The following ASXL3 variants were observed in gnomAD, a reference collection of about 807,000 sequenced individuals.
The protein encoded by ASXL3 is putative Polycomb group protein ASXL3.
ASXL3 carries 34 observed loss-of-function variants against 170.6 expected under a neutral mutation model. That is an observed-to-expected ratio of 0.20 (90% confidence interval 0.15 to 0.27). The LOEUF is 0.27. Ranked by LOEUF, ASXL3 falls within the 10% of genes least tolerant of loss-of-function variation. ASXL3 has a pLI of 1.00. For missense variants in ASXL3, 2,592 were observed against 2,695.3 expected (o/e 0.96, Z 0.85); for synonymous variants, 1,002 against 989.1 (o/e 1.01, Z -0.24).
intron 10 of ASXL3, among the ~76,000 whole-genome samples, chr18:33,736,600 T>C (rs2067552139): frequency 1.3e-5 from 2 of 152,166 alleles, no homozygotes; most frequent in Non-Finnish European, 2.9e-5. Flanking sequence ...TAGTGTGCAG[T>C]TAAGATCTGT....
chr18:33,703,490 C>T (rs1435927138), intron 8 of ASXL3, among the ~76,000 whole-genome samples: 1 of 152,112 alleles, frequency 6.6e-6, no homozygotes, highest in African/African-American at 2.4e-5. Flanking sequence ...TACAGTGGCC[C>T]ACTGCCCAAA....
chr18:33,744,124 T>A lies in ASXL3; in HGVS notation c.4276T>A (p.Tyr1426Asn). The A allele has an allele frequency of 2.5e-6, 4 of 1,614,006 alleles. No individual in the cohort carries two copies. Residue 1426 changes from tyrosine to asparagine, a missense_variant, in exon 12 of 12, where the codon TAT (tyrosine) becomes AAT (asparagine). Tyr to Asn is a moderately radical substitution (Grantham distance 143). This residue lies in a region of ASXL3 where 2,246 missense variants were observed against 2,219.6 expected (regional missense o/e 1.01). Coordinates refer to ENST00000269197, the MANE Select transcript of ASXL3 (RefSeq NM_030632.3). ...FTGNMLTINS[Y>N]DSPPKLSAES... is the part of the protein sequence containing the mutation. ...TGGAAACATGCTGACAATAAACTCT[T>A]ATGATAGTCCTCCCAAGTTAAGTGC...
At chr18:33,638,301 C>A (rs964270818) in intron 2 of ASXL3, among the ~76,000 whole-genome samples, 4 of 151,920 alleles carry the variant, frequency 2.6e-5, no homozygotes, top group African/African-American at 9.7e-5. Context: ...GATCTCAAGC[C>A]ATTCTTTCGC....
chr18:33,675,788 G>GA (rs1211304742), intron 7 of ASXL3, among the ~76,000 whole-genome samples: 1 of 152,076 alleles, frequency 6.6e-6, no homozygotes, highest in East Asian at 1.9e-4. Flanking sequence ...TTCAGTACAG[G>GA]AGGCACCATG....
Position 33,578,657 on chromosome 18 carries a change from A to G in ASXL3, c.26A>G (p.Asp9Gly). The G allele has an allele frequency of 2.9e-6, 4 of 1,362,344 alleles. No individual in the cohort carries two copies. The highest frequency in any genetic ancestry group is 3.9e-6 in the Non-Finnish European group (4 of 1,032,580). 84.4% of individuals were successfully genotyped at this position (1,362,344 alleles called of 1,614,324 possible). The stretch of plus-strand genomic sequence containing the variant: ...ATGAAAGACAAGAGGAAGAAGAAGG[A>G]CCGCACCTGGGCCGAGGCTGCCCGC... MKDKRKKKDRTWAEAARLA... is the reference protein window; with the variant it reads MKDKRKKKGRTWAEAARLA... The change falls in exon 1 of 12, where the codon GAC becomes GGC. Residue 9 changes from aspartate (D) to glycine (G), a missense_variant. Coordinates refer to ENST00000269197, the MANE Select transcript of ASXL3 (RefSeq NM_030632.3).
intron 6 of ASXL3, 40 bp from the exon 7 acceptor site, chr18:33,671,707 C>T (rs771353553): frequency 2.0e-6 from 3 of 1,534,042 alleles, no homozygotes; most frequent in South Asian, 1.2e-5. Flanking sequence ...TCAAGGACAG[C>T]TAGAGAAGAT....
chr18:33,661,575 G>T, intron 4 of ASXL3, 41 bp from the exon 5 acceptor site: 1 of 1,558,140 alleles, frequency 6.4e-7, no homozygotes, highest in Non-Finnish European at 8.7e-7. Context: ...TATAAAAAAG[G>T]AATTCAAATT....
chr18:33,732,389 C>G (rs1163677106), intron 9 of ASXL3, among the ~76,000 whole-genome samples: 2 of 152,178 alleles, frequency 1.3e-5, no homozygotes, highest in Non-Finnish European at 2.9e-5. Flanking sequence ...AAAGAAACTT[C>G]TTTTAACGCT....
intron 2 of ASXL3, among the ~76,000 whole-genome samples, chr18:33,612,026 A>ATG (rs1236461756): frequency 1.2e-4 from 19 of 152,090 alleles, no homozygotes; most frequent in Non-Finnish European, 7.4e-5. Context: ...AGTGAGAGCA[A>ATG]AACAACCATT....
chr18:33,637,899 A>G (rs2065792536), intron 2 of ASXL3, among the ~76,000 whole-genome samples: 2 of 152,124 alleles, frequency 1.3e-5, no homozygotes, highest in African/African-American at 2.4e-5. Flanking sequence ...CTGTCATTTC[A>G]TATGTATTCA....
intron 2 of ASXL3, among the ~76,000 whole-genome samples, chr18:33,635,812 T>G (rs1050950756): frequency 6.6e-6 from 1 of 152,166 alleles, no homozygotes; most frequent in African/African-American, 2.4e-5. Flanking sequence ...TTAAAAAGAA[T>G]TTTGGTGATG....
chr18:33,614,084 A>G (rs528872801), intron 2 of ASXL3, among the ~76,000 whole-genome samples: 4 of 152,090 alleles, frequency 2.6e-5, no homozygotes, highest in Non-Finnish European at 5.9e-5. Flanking sequence ...ACAACAATGA[A>G]GTGTTCTGTA....
chr18:33,653,250 C>A (rs879669796), intron 4 of ASXL3, among the ~76,000 whole-genome samples: 7 of 151,976 alleles, frequency 4.6e-5, no homozygotes, highest in African/African-American at 7.2e-5. Flanking sequence ...TCTACATGAT[C>A]GTGGAGAAAG....
intron 2 of ASXL3, among the ~76,000 whole-genome samples, chr18:33,611,977 G>A (rs1384696695): frequency 4.6e-5 from 7 of 151,868 alleles, no homozygotes; most frequent in Non-Finnish European, 8.8e-5. Flanking sequence ...CATATCCAGG[G>A]GCTGCAAGGT....
intron 4 of ASXL3, among the ~76,000 whole-genome samples, chr18:33,658,283 A>G (rs2066114440): frequency 6.6e-6 from 1 of 152,144 alleles, no homozygotes; most frequent in Non-Finnish European, 1.5e-5. Flanking sequence ...TTCATTATTT[A>G]TTTATCACAT....
At chr18:33,721,532 T>C (rs2067259834) in intron 8 of ASXL3, among the ~76,000 whole-genome samples, 1 of 152,024 alleles carries the variant, frequency 6.6e-6, no homozygotes, top group Non-Finnish European at 1.5e-5. Flanking sequence ...AAGCAGTAAG[T>C]AGTAGAAAAA....
chr18:33,657,055 G>A (rs762880567), intron 4 of ASXL3, among the ~76,000 whole-genome samples: 2 of 152,098 alleles, frequency 1.3e-5, no homozygotes, highest in African/African-American at 2.4e-5. Context: ...TGGCTGCTGA[G>A]GCAGATGACA....
chr18:33,674,013 A>G (rs770533444), intron 7 of ASXL3, among the ~76,000 whole-genome samples: 1 of 152,230 alleles, frequency 6.6e-6, no homozygotes, highest in Admixed American at 6.5e-5. Flanking sequence ...TGGTCTAGGT[A>G]TTTTGACATA....
intron 2 of ASXL3, among the ~76,000 whole-genome samples, chr18:33,633,378 T>C (rs2065709939): frequency 6.6e-6 from 1 of 152,174 alleles, no homozygotes; most frequent in South Asian, 2.1e-4. Context: ...TATGATACAG[T>C]ACATATATTT....
Sources: gnomAD v4.1 joint callset for allele counts (sites outside exome capture counted in the v4.1 genomes callset) on GRCh38, gnomAD v4.1.1 for gene constraint, gnomAD v4.1.1 regional missense constraint, MANE v1.5 for transcripts, NCBI Gene and HGNC (gene_info 2026-07-23, HGNC 2026-07-21) for gene names.